The following USP24 variants were observed in gnomAD, a reference collection of about 807,000 sequenced individuals.
USP24 encodes ubiquitin specific peptidase 24.
USP24 carries 97 observed loss-of-function variants against 361.6 expected under a neutral mutation model. The ratio of observed to expected loss-of-function variants is 0.27; its 90% confidence interval spans 0.23 to 0.32. The LOEUF is 0.32. USP24 is among the 10% of genes least tolerant of loss of function. The probability of loss-of-function intolerance (pLI) is 1.00; values close to 1 mark genes in which losing one functional copy is unlikely to be tolerated. For synonymous variants in USP24, 1,098 were observed against 1,124.6 expected (o/e 0.98, Z 0.47); for missense variants, 2,353 against 3,165.6 (o/e 0.74, Z 6.16).
At chr1:55,204,996 A>G (rs1343370214) in intron 1 of USP24, among the ~76,000 whole-genome samples, 1 of 152,246 alleles carries the variant, frequency 6.6e-6, no homozygotes, top group Non-Finnish European at 1.5e-5. Context: ...AACAGACATG[A>G]GAGTACATTA....
At chr1:55,154,621 A>G (rs779145027) in intron 13 of USP24, 50 bp downstream of exon 13, 4 of 1,555,376 alleles carry the variant, frequency 2.6e-6, no homozygotes, top group African/African-American at 2.7e-5. Context: ...ACCTCAAAAG[A>G]GCTTATTTTA....
chr1:55,147,142 T>C, intron 18 of USP24, 82 bp from the exon 19 acceptor site: 1 of 1,340,072 alleles, frequency 7.5e-7, no homozygotes, highest in Admixed American at 2.8e-5. Context: ...AAACTTTAAG[T>C]TTTAACAACA....
chr1:55,069,737 T>C (rs1249710179), intron 67 of USP24, among the ~76,000 whole-genome samples: 1 of 151,422 alleles, frequency 6.6e-6, no homozygotes, highest in Non-Finnish European at 1.5e-5. Flanking sequence ...CCAGGCACAG[T>C]CGCTTATGCC....
chr1:55,081,452 TTAGTGTTGTCGTCAG>T (rs761247621), intron 58 of USP24, 28 bp from the exon 59 acceptor site: 1,653 of 1,601,950 alleles, frequency 1.0e-3, no homozygotes, highest in Non-Finnish European at 1.3e-3. Flanking sequence ...AAAGTGGCTG[TTAGTGTTGTCGTCAG>T]AAATAATATG....
chr1:55,101,540 A>G (rs1645634689), intron 43 of USP24, 44 bp downstream of exon 43: 1 of 1,565,220 alleles, frequency 6.4e-7, no homozygotes, highest in African/African-American at 1.4e-5. Context: ...CAAGTAACGC[A>G]CGTATTATCT....
chr1:55,146,935 A>G lies in USP24; in HGVS notation c.2244T>C (p.Asp748=). 6.2e-7 allele frequency: 1 copy of G among 1,612,132 alleles called. No individual in the cohort carries two copies. The highest frequency in any genetic ancestry group is 8.5e-7 in the Non-Finnish European group (1 of 1,178,916). Residue 748 remains aspartate, a synonymous_variant, in exon 19 of 68, where the codon GAT becomes GAC. Coordinates refer to ENST00000294383, the MANE Select transcript of USP24 (RefSeq NM_015306.3). ...LVTGQDVCEL[D]REMCFEWFTK... is the part of the protein sequence containing the mutation. ...CACAATACCACCTTCTTACCTCTCT[A>G]TCTAATTCACAAACATCCTGGCCAG...
rs144086796 is a variant in USP24 at position 55,173,866 on chromosome 1, A to G, written c.559-1346T>C. ...AAGCAAAACAAAGCAGAGATTACCA[A>G]TTAAGAAGCTTCAAGTGACTACAAA... On this transcript the variant is annotated intron_variant, in intron 3 of 67. Coordinates refer to ENST00000294383, the MANE Select transcript of USP24 (RefSeq NM_015306.3). 1.6e-4 allele frequency among the ~76,000 whole-genome samples: 25 copies of G among 152,352 alleles called. No individual in the cohort carries two copies. The East Asian group carries it at 4.2e-3, about 26-fold the overall frequency.
At chr1:55,146,186 A>C (rs2100708337) in intron 19 of USP24, 77 bp from the exon 20 acceptor site, 1 of 1,049,740 alleles carries the variant, frequency 9.5e-7, no homozygotes. Flanking sequence ...GGAAAAGTAA[A>C]GATACATTTT....
chr1:55,186,246 T>C (rs180957666), intron 1 of USP24, among the ~76,000 whole-genome samples: 24 of 152,284 alleles, frequency 1.6e-4, no homozygotes, highest in Admixed American at 3.3e-4. Flanking sequence ...TCACATCTAT[T>C]AGTATGGTTA....
Position 55,110,255 on chromosome 1 carries a change from CAGAA to C in USP24, c.4509-13_4509-10del. 6.6e-7 allele frequency: 1 copy of C among 1,520,112 alleles called. No homozygotes were observed. The highest frequency in any genetic ancestry group is 8.8e-7 in the Non-Finnish European group (1 of 1,132,500). The allele number at this position is 1,520,112 out of a possible 1,614,324, so 94.2% of individuals were successfully genotyped here. A position where few individuals can be genotyped will look rare whatever the true frequency, so the allele number is the denominator to read the frequency against. ...TACACTGAGATAACAGTCTAAAAAACAGAAAGGTTTCAGTTACTAATAAGAGGCT... is the reference window on the plus strand; with the variant it reads ...TACACTGAGATAACAGTCTAAAAAACAGGTTTCAGTTACTAATAAGAGGCT... On this transcript the variant is annotated splice_polypyrimidine_tract_variant and intron_variant, in intron 38 of 67. Coordinates refer to ENST00000294383, the MANE Select transcript of USP24 (RefSeq NM_015306.3).
chr1:55,102,806 T>G (rs1283072448), intron 42 of USP24, among the ~76,000 whole-genome samples: 1 of 152,236 alleles, frequency 6.6e-6, no homozygotes. Context: ...GAAGTTCATT[T>G]AAATCTGATT....
chr1:55,210,672 A>C (rs1036890299), intron 1 of USP24, among the ~76,000 whole-genome samples: 1 of 152,202 alleles, frequency 6.6e-6, no homozygotes, highest in Admixed American at 6.5e-5. Context: ...TTTTTATGTG[A>C]CTTAGATATA....
At chr1:55,103,536 T>C (rs1314034091) in intron 42 of USP24, among the ~76,000 whole-genome samples, 1 of 152,222 alleles carries the variant, frequency 6.6e-6, no homozygotes, top group Non-Finnish European at 1.5e-5. Context: ...TGTACTGTGA[T>C]AGAGCCAATG....
At chr1:55,139,813 T>C (rs538295967) in intron 24 of USP24, among the ~76,000 whole-genome samples, 237 of 152,318 alleles carry the variant, frequency 1.6e-3, no homozygotes, top group Non-Finnish European at 2.5e-3. Flanking sequence ...TTAGCAGTTC[T>C]ATTAAATATA....
At chr1:55,138,779 C>T in intron 25 of USP24, 61 bp from the exon 26 acceptor site, 1 of 1,361,158 alleles carries the variant, frequency 7.3e-7, no homozygotes, top group Admixed American at 1.9e-5. Context: ...ATCAAAAATA[C>T]ATATCTATGT....
intron 44 of USP24, 76 bp from the exon 45 acceptor site, chr1:55,099,945 G>A (rs1198603246): frequency 9.8e-7 from 1 of 1,015,352 alleles, no homozygotes; most frequent in African/African-American, 1.6e-5. Context: ...ACATGAAAGA[G>A]CACTTAAATG....
intron 59 of USP24, among the ~76,000 whole-genome samples, chr1:55,080,739 T>C (rs1645132419): frequency 6.6e-6 from 1 of 152,182 alleles, no homozygotes; most frequent in South Asian, 2.1e-4. Flanking sequence ...TGGATAATCA[T>C]ATAGGACAAT....
rs373473746 is a variant in USP24, at chr1:55,138,964, G to A, written c.2797C>T (p.Arg933Cys). Reference sequence around the variant, plus strand: ...CTTACCTCTATAGTGATCACATAGCGCTCTGCCAGAAGCAGCAATCTCTCA... The same window carrying A: ...CTTACCTCTATAGTGATCACATAGCACTCTGCCAGAAGCAGCAATCTCTCA... ...IIERLLLLAERYVITIEDFYS... is the reference protein window; with the variant it reads ...IIERLLLLAECYVITIEDFYS... Residue 933 changes from arginine to cysteine, a missense_variant, in exon 25 of 68, where the codon CGC (arginine) becomes TGC (cysteine). Arg to Cys is a radical substitution (Grantham distance 180, BLOSUM62 -3). Transcript: ENST00000294383. The A allele has an allele frequency of 2.5e-6, 4 of 1,612,504 alleles. No homozygotes were observed. Among genetic ancestry groups the A allele is most frequent in the Non-Finnish European group, 3.4e-6 (4 of 1,179,352 alleles).
At chr1:55,119,617 T>A (rs1332175654) in intron 38 of USP24, among the ~76,000 whole-genome samples, 1 of 152,124 alleles carries the variant, frequency 6.6e-6, no homozygotes, top group Non-Finnish European at 1.5e-5. Flanking sequence ...AATCTACGTG[T>A]CTTTGAACAG....
Sources: gnomAD v4.1 joint callset for allele counts (sites outside exome capture counted in the v4.1 genomes callset) on GRCh38, gnomAD v4.1.1 for gene constraint, MANE v1.5 for transcripts, NCBI Gene and HGNC (gene_info 2026-07-23, HGNC 2026-07-21) for gene names.